BCAT1: variants seen among roughly 807,000 people sequenced by gnomAD.
The protein encoded by BCAT1 is branched-chain-amino-acid aminotransferase, cytosolic.
Under a neutral mutation model 52.4 loss-of-function variants are expected in BCAT1, and 48 were observed. The ratio of observed to expected loss-of-function variants is 0.92; its 90% CI spans 0.73 to 1.16. The LOEUF is 1.16. BCAT1 is among the 50% of genes most tolerant of loss of function. The pLI is 0.00. For synonymous variants in BCAT1, 167 were observed against 161.3 expected, an observed-to-expected ratio of 1.04 and a Z score of -0.27; for missense variants, 451 against 457.1, an observed-to-expected ratio of 0.99 and a Z score of 0.12.
At chr12:24,901,531 G>A (rs182757146) in intron 2 of BCAT1, among the ~76,000 whole-genome samples, 2 of 152,274 alleles carry the variant, frequency 1.3e-5, no homozygotes, top group Admixed American at 1.3e-4. Flanking sequence ...TATGGAATCT[G>A]ATAAACAACT....
Position 24,811,492 on chromosome 12 carries a change from A to G in BCAT1, c.*6516T>C, listed in dbSNP as rs1939678139. On this transcript the variant is annotated 3_prime_UTR_variant, in exon 11 of 11. Coordinates refer to ENST00000261192, the MANE Select transcript of BCAT1 (RefSeq NM_005504.7). Reference sequence around the variant, plus strand: ...TATTCCATGCCCTCTCAACATACAAATATAGAGTTCTTCACACCAGATGGC... The same window carrying G: ...TATTCCATGCCCTCTCAACATACAAGTATAGAGTTCTTCACACCAGATGGC... 6.6e-6 allele frequency: 1 copy of G among 152,114 alleles called. No homozygotes were observed. The highest frequency in any genetic ancestry group is 2.1e-4 in the South Asian group (1 of 4,826). 9.4% of individuals were successfully genotyped at this position (152,114 alleles called of 1,614,324 possible). A position where few individuals can be genotyped will look rare whatever the true frequency, so the allele number is the denominator to read the frequency against.
intron 10 of BCAT1, among the ~76,000 whole-genome samples, chr12:24,821,970 C>G (rs1940155810): frequency 6.6e-6 from 1 of 152,122 alleles, no homozygotes; most frequent in Non-Finnish European, 1.5e-5. Flanking sequence ...GCAGCAAAAC[C>G]TGGAGGCATC....
chr12:24,902,143 A>C, intron 1 of BCAT1: 1 of 1,445,624 alleles, frequency 6.9e-7, no homozygotes, highest in Non-Finnish European at 9.0e-7. Context: ...AGACTGGTTA[A>C]ATTCCAGGTC....
At chr12:24,860,473 T>G (rs1941823964) in intron 5 of BCAT1, among the ~76,000 whole-genome samples, 1 of 152,212 alleles carries the variant, frequency 6.6e-6, no homozygotes, top group South Asian at 2.1e-4. Flanking sequence ...GCATATTTCT[T>G]TCTACCTGAT....
intron 2 of BCAT1, among the ~76,000 whole-genome samples, chr12:24,895,818 G>C (rs1350908017): frequency 6.6e-6 from 1 of 152,126 alleles, no homozygotes; most frequent in Non-Finnish European, 1.5e-5. Flanking sequence ...ATGAATGATA[G>C]TAAATTGTAT....
intron 5 of BCAT1, among the ~76,000 whole-genome samples, chr12:24,873,228 AATATTATG>A (rs1942232486): frequency 6.6e-6 from 1 of 152,244 alleles, no homozygotes; most frequent in African/African-American, 2.4e-5. Context: ...TTTTTATTTA[AATATTATG>A]ATCTGAGATT....
chr12:24,904,440 C>T (rs1943191733), intron 1 of BCAT1: 1 of 152,604 alleles, frequency 6.6e-6, no homozygotes, highest in Non-Finnish European at 1.5e-5. Flanking sequence ...TGGACTCAAG[C>T]CACCCACCTA....
intron 3 of BCAT1, among the ~76,000 whole-genome samples, chr12:24,882,679 A>G (rs1442678173): frequency 6.6e-6 from 1 of 151,802 alleles, no homozygotes; most frequent in African/African-American, 2.4e-5. Context: ...GCTCACTGCA[A>G]CCTCTACCCC....
At chr12:24,838,993 A>C (rs1227254030) in intron 7 of BCAT1, among the ~76,000 whole-genome samples, 1 of 152,210 alleles carries the variant, frequency 6.6e-6, no homozygotes, top group Non-Finnish European at 1.5e-5. Flanking sequence ...ACAATTAGCC[A>C]TTTATTCTAC....
chr12:24,871,064 G>A (rs1942172886), intron 5 of BCAT1, among the ~76,000 whole-genome samples: 1 of 152,130 alleles, frequency 6.6e-6, no homozygotes, highest in Non-Finnish European at 1.5e-5. Flanking sequence ...GTTAGTGCAT[G>A]GAAAGCACTG....
intron 2 of BCAT1, among the ~76,000 whole-genome samples, chr12:24,895,627 C>T (rs912564213): frequency 1.3e-5 from 2 of 151,944 alleles, no homozygotes; most frequent in African/African-American, 4.8e-5. Flanking sequence ...GCAAGTTCAA[C>T]CTGTAACAGG....
intron 1 of BCAT1, among the ~76,000 whole-genome samples, chr12:24,943,722 C>A (rs764666909): frequency 3.3e-5 from 5 of 152,048 alleles, no homozygotes; most frequent in Non-Finnish European, 5.9e-5. Flanking sequence ...CGGTGGCTCA[C>A]GCCTGTAATC....
At chr12:24,833,260 T>C (rs1044152941) in intron 8 of BCAT1, among the ~76,000 whole-genome samples, 1 of 152,218 alleles carries the variant, frequency 6.6e-6, no homozygotes, top group African/African-American at 2.4e-5. Context: ...GGCTCATGCC[T>C]GTAATCTCTG....
At chr12:24,852,876 A>G (rs1490700706) in intron 5 of BCAT1, among the ~76,000 whole-genome samples, 1 of 152,196 alleles carries the variant, frequency 6.6e-6, no homozygotes, top group African/African-American at 2.4e-5. Flanking sequence ...TCATCCTCAA[A>G]TGATTACTTA....
chr12:24,877,347 A>G (rs377668125), intron 5 of BCAT1, among the ~76,000 whole-genome samples: 2 of 152,106 alleles, frequency 1.3e-5, no homozygotes, highest in African/African-American at 2.4e-5. Context: ...TTATCCCTCA[A>G]TATCACACTC....
intron 5 of BCAT1, among the ~76,000 whole-genome samples, chr12:24,856,209 C>T (rs553740094): frequency 2.7e-4 from 41 of 152,264 alleles, no homozygotes; most frequent in African/African-American, 8.4e-4. Context: ...TGTAAAACCC[C>T]GGTGTGGATG....
chr12:24,879,684 G>A (rs1419630716), intron 4 of BCAT1, among the ~76,000 whole-genome samples: 1 of 152,192 alleles, frequency 6.6e-6, no homozygotes, highest in Admixed American at 6.5e-5. Flanking sequence ...AGTGAGAAGA[G>A]AACTTGACCA....
intron 1 of BCAT1, among the ~76,000 whole-genome samples, chr12:24,946,763 A>C (rs2139772719): frequency 6.6e-6 from 1 of 152,364 alleles, no homozygotes; most frequent in East Asian, 1.9e-4. Flanking sequence ...CAGAAAGCAC[A>C]TCTTGGTTTT....
intron 10 of BCAT1, among the ~76,000 whole-genome samples, chr12:24,824,289 T>TTCCTTCCTTA (rs1940290874): frequency 7.1e-6 from 1 of 140,164 alleles, no homozygotes. Context: ...CCTCCCTCCC[T>TTCCTTCCTTA]CCCTCCCTCC....
Sources: allele counts gnomAD v4.1 joint callset (sites outside exome capture counted in the v4.1 genomes callset), GRCh38; gene constraint gnomAD v4.1.1; transcripts MANE v1.5; gene names NCBI Gene and HGNC (gene_info 2026-07-23, HGNC 2026-07-21).